Variants in DDIAS observed in about 807,000 individuals in gnomAD.
DDIAS encodes DNA damage induced apoptosis suppressor.
A neutral mutation model predicts 15.7 loss-of-function variants in DDIAS; 14 were observed. That is an observed-to-expected ratio of 0.89 (90% CI 0.59 to 1.39). DDIAS has a LOEUF of 1.39. Among genes scored for constraint, DDIAS ranks in the 40% most tolerant of loss-of-function variants. The pLI is 0.00. For synonymous variants in DDIAS, 355 were observed against 395.9 expected (o/e 0.90, Z 1.23); for missense variants, 1,035 against 1,130.9 (o/e 0.92, Z 1.22).
chr11:82,926,588 A>G (rs1406381625), intron 3 of DDIAS, among the ~76,000 whole-genome samples: 1 of 152,218 alleles, frequency 6.6e-6, no homozygotes, highest in East Asian at 1.9e-4. Flanking sequence ...TATGTTGTCT[A>G]TATCCTTGTT....
intron 1 of DDIAS, among the ~76,000 whole-genome samples, chr11:82,910,551 G>A (rs1040531754): frequency 3.3e-5 from 5 of 149,384 alleles, no homozygotes; most frequent in Non-Finnish European, 4.4e-5. Flanking sequence ...GATTATAGGC[G>A]TGAGCTACCA....
intron 3 of DDIAS, among the ~76,000 whole-genome samples, chr11:82,923,341 A>G (rs1860795546): frequency 6.6e-6 from 1 of 152,242 alleles, no homozygotes; most frequent in African/African-American, 2.4e-5. Flanking sequence ...TTGTAAGCCA[A>G]CACAGGAAAC....
chr11:82,932,040 T>C lies in DDIAS; in HGVS notation c.702T>C (p.Thr234=). The change falls in exon 6 of 6, where the codon ACT becomes ACC. Residue 234 remains threonine (T), a synonymous_variant. Coordinates refer to ENST00000533655, the MANE Select transcript of DDIAS (RefSeq NM_145018.4). ...TTTTCAAGTCCTGCAGCAAGGATACTTTTTCAAAATTCTGGCAGCCATCAC... is the reference window on the plus strand; with the variant it reads ...TTTTCAAGTCCTGCAGCAAGGATACCTTTTCAAAATTCTGGCAGCCATCAC... ...SDFFKSCSKD[T]FSKFWQPSLE... 3 of 1,614,156 alleles carry C rather than the reference T, an allele frequency of 1.9e-6. No individual in the cohort carries two copies. Among genetic ancestry groups the C allele is most frequent in the Non-Finnish European group, 2.5e-6 (3 of 1,180,030 alleles).
Position 82,932,389 on chromosome 11 carries a change from A to G in DDIAS, c.1051A>G (p.Ser351Gly). ...SLEMREPLES[S>G]NTKSFHSAVE... ...GGAAATGCGAGAGCCCCTTGAGTCA[A>G]GTAATACAAAATCCTTCCACAGTGC... Residue 351 changes from serine to glycine, a missense_variant, in exon 6 of 6, where the codon AGT (serine) becomes GGT (glycine). Transcript: ENST00000533655. The G allele has an allele frequency of 3.7e-6, 6 of 1,614,102 alleles. No homozygotes were observed. The highest frequency in any genetic ancestry group is 5.1e-6 in the Non-Finnish European group (6 of 1,179,962).
intron 4 of DDIAS, 92 bp downstream of exon 4, chr11:82,929,030 A>C: frequency 7.2e-7 from 1 of 1,383,326 alleles, no homozygotes; most frequent in Non-Finnish European, 9.9e-7. Context: ...TAGAAAGATA[A>C]TCATTCAACC....
At chr11:82,923,038 T>C (rs1157213204) in intron 3 of DDIAS, among the ~76,000 whole-genome samples, 2 of 152,214 alleles carry the variant, frequency 1.3e-5, no homozygotes, top group African/African-American at 4.8e-5. Context: ...TCCTGTGATG[T>C]GAATCGTTTA....
chr11:82,909,403 G>A (rs370203226), intron 1 of DDIAS: 1 of 152,060 alleles, frequency 6.6e-6, no homozygotes, highest in South Asian at 2.1e-4. Context: ...ATTTTGTGCC[G>A]ACCTCATATC....
chr11:82,933,420 C>A lies in DDIAS; in HGVS notation c.2082C>A (p.Thr694=). Reference sequence around the variant, plus strand: ...AAATGGACATTGCAACTGAGATTACCAAAAAATCACAGGATATTTTGTTAA... The same window carrying A: ...AAATGGACATTGCAACTGAGATTACAAAAAAATCACAGGATATTTTGTTAA... The part of the protein sequence containing the change: ...AKEMDIATEI[T]KKSQDILLKW... The change falls in exon 6 of 6, where the codon ACC becomes ACA. Residue 694 remains threonine, a synonymous_variant. Coordinates refer to ENST00000533655, the MANE Select transcript of DDIAS (RefSeq NM_145018.4). 1 of 1,613,486 alleles carries A rather than the reference C, an allele frequency of 6.2e-7. No homozygotes were observed.
intron 3 of DDIAS, among the ~76,000 whole-genome samples, chr11:82,926,539 T>C (rs954440568): frequency 6.6e-6 from 1 of 152,218 alleles, no homozygotes; most frequent in African/African-American, 2.4e-5. Context: ...TTTAGAAATA[T>C]GGGTGCCTCT....
At chr11:82,908,083 G>A (rs1456119909) in intron 1 of DDIAS, among the ~76,000 whole-genome samples, 5 of 152,232 alleles carry the variant, frequency 3.3e-5, no homozygotes, top group Admixed American at 3.3e-4. Flanking sequence ...TTCTACTTGA[G>A]CTAAAGTGGG....
At position 82,933,480 on chromosome 11, in the gene DDIAS, A is replaced by C; in HGVS notation, c.2142A>C (p.Ser714=). The C allele has an allele frequency of 1.9e-6, 3 of 1,613,954 alleles. No individual in the cohort carries two copies. Among genetic ancestry groups the C allele is most frequent in the Non-Finnish European group, 2.5e-6 (3 of 1,179,988 alleles). ...WGTSLAESHP[S]ESDFSLRSLS... is the part of the protein sequence containing the mutation. ...CATCTTTGGCAGAAAGTCACCCTTC[A>C]GAGTCTGATTTTTCACTGAGATCAC... Residue 714 remains serine, a synonymous_variant, in exon 6 of 6, where the codon TCA becomes TCC. Coordinates refer to ENST00000533655, the MANE Select transcript of DDIAS (RefSeq NM_145018.4).
chr11:82,921,060 G>A (rs572763533), intron 3 of DDIAS, among the ~76,000 whole-genome samples: 1 of 152,224 alleles, frequency 6.6e-6, no homozygotes, highest in Admixed American at 6.5e-5. Context: ...GGGAGCTCCA[G>A]TGTTAGGTGC....
chr11:82,924,387 T>G (rs1860815108), intron 3 of DDIAS, among the ~76,000 whole-genome samples: 1 of 152,254 alleles, frequency 6.6e-6, no homozygotes, highest in African/African-American at 2.4e-5. Flanking sequence ...TGTTCATATC[T>G]GTTTTTTGTG....
chr11:82,906,913 A>T (rs147969737), intron 1 of DDIAS, among the ~76,000 whole-genome samples: 1 of 152,318 alleles, frequency 6.6e-6, no homozygotes, highest in East Asian at 1.9e-4. Flanking sequence ...AATCATGAAG[A>T]TTAATATCTG....
Position 82,917,430 on chromosome 11 carries a change from G to T in DDIAS, c.113+2579G>T, listed in dbSNP as rs146841676. 3.6e-3 allele frequency among the ~76,000 whole-genome samples: 543 copies of T among 152,018 alleles called. 6 individuals carry two copies. Among genetic ancestry groups the T allele is most frequent in the African/African-American group, 0.012 (508 of 41,416 alleles). On this transcript the variant is annotated intron_variant, in intron 3 of 5. Transcript: ENST00000533655. ...TTCCATTCCTGAGTTACTTCACTTA[G>T]AATAACAGTCTCCAGTCTCATCCAG...
intron 3 of DDIAS, among the ~76,000 whole-genome samples, chr11:82,919,950 C>T (rs975007948): frequency 6.6e-6 from 1 of 152,278 alleles, no homozygotes; most frequent in South Asian, 2.1e-4. Flanking sequence ...GTCTCGATCT[C>T]CTAACCTCAT....
chr11:82,923,859 C>G (rs140982717), intron 3 of DDIAS, among the ~76,000 whole-genome samples: 41 of 152,204 alleles, frequency 2.7e-4, no homozygotes, highest in African/African-American at 9.6e-4. Context: ...TCATATGAAG[C>G]AGTAACTACA....
chr11:82,910,781 A>G (rs1030918296), intron 1 of DDIAS, among the ~76,000 whole-genome samples: 5 of 151,510 alleles, frequency 3.3e-5, no homozygotes, highest in Admixed American at 1.3e-4. Flanking sequence ...ACGCCTGACT[A>G]ATTTTTTTTG....
rs768805662 is a variant in DDIAS at position 82,933,887 on chromosome 11, A to G, written c.2549A>G (p.His850Arg). 17 of 1,614,060 alleles carry G rather than the reference A, an allele frequency of 1.1e-5. No individual in the cohort carries two copies. The South Asian group carries it at 1.8e-4, about 17-fold the overall frequency. The change falls in exon 6 of 6, where the codon CAC (histidine) becomes CGC (arginine). Residue 850 changes from histidine (H) to arginine (R), a missense_variant. By Grantham distance (29) the His-to-Arg change is conservative. Transcript: ENST00000533655. Reference sequence around the variant, plus strand: ...GTTTCACAACCAGACGTTTTCAATCACTACCCTTTTGCTGAGTGCCATGAA... The same window carrying G: ...GTTTCACAACCAGACGTTTTCAATCGCTACCCTTTTGCTGAGTGCCATGAA... ...SGVSQPDVFNHYPFAECHETD... is the reference protein window; with the variant it reads ...SGVSQPDVFNRYPFAECHETD...
Sources: allele counts gnomAD v4.1 joint callset (sites outside exome capture counted in the v4.1 genomes callset), GRCh38; gene constraint gnomAD v4.1.1; transcripts MANE v1.5; gene names NCBI Gene and HGNC (gene_info 2026-07-23, HGNC 2026-07-21).